The following LRMDA variants were observed in gnomAD, a reference collection of about 807,000 sequenced individuals.
LRMDA encodes leucine-rich melanocyte differentiation-associated protein.
LRMDA carries 18 observed loss-of-function variants against 29.8 expected under a neutral mutation model. That is an observed-to-expected ratio of 0.60 (90% CI 0.42 to 0.90). The LOEUF (loss-of-function observed/expected upper bound fraction) is 0.90, where lower values mean the gene tolerates loss of function less well. Ranked by LOEUF, LRMDA falls within the 40% of genes least tolerant of loss-of-function variation. The pLI is 0.00. For missense variants in LRMDA, 273 were observed against 273.9 expected, an observed-to-expected ratio of 1.00 and a Z score of 0.02; for synonymous variants, 125 against 109.4, an observed-to-expected ratio of 1.14 and a Z score of -0.89.
intron 5 of LRMDA, among the ~76,000 whole-genome samples, chr10:76,160,647 C>T (rs113299930): frequency 6.8e-4 from 104 of 152,092 alleles, no homozygotes; most frequent in African/African-American, 2.4e-3. Flanking sequence ...GAAATACTCC[C>T]GCCAAATTTA....
At chr10:75,725,769 T>C (rs139866916) in intron 2 of LRMDA, among the ~76,000 whole-genome samples, 23 of 152,364 alleles carry the variant, frequency 1.5e-4, no homozygotes, top group Admixed American at 3.9e-4. Flanking sequence ...ACATTAATCT[T>C]AATAATCATT....
At chr10:75,743,823 G>A (rs982902636) in intron 2 of LRMDA, 1 of 152,174 alleles carries the variant, frequency 6.6e-6, no homozygotes, top group Non-Finnish European at 1.5e-5. Context: ...TGCCTGAGAA[G>A]TGATTAAAAT....
chr10:76,063,532 A>G (rs777697096), intron 5 of LRMDA, among the ~76,000 whole-genome samples: 16 of 151,934 alleles, frequency 1.1e-4, no homozygotes, highest in Non-Finnish European at 2.1e-4. Context: ...GTGTGTGCCT[A>G]CGTTTTGATA....
chr10:76,202,968 G>A (rs887729784), intron 5 of LRMDA, among the ~76,000 whole-genome samples: 2 of 152,096 alleles, frequency 1.3e-5, no homozygotes, highest in Admixed American at 6.5e-5. Context: ...CTGACTAATT[G>A]GAAACACATC....
intron 5 of LRMDA, among the ~76,000 whole-genome samples, chr10:76,084,221 G>A (rs1043862112): frequency 5.7e-5 from 8 of 141,358 alleles, no homozygotes; most frequent in South Asian, 4.2e-4. Context: ...TATTTGAGAC[G>A]GAGTCTTGCT....
chr10:76,267,684 A>G (rs578093962), intron 5 of LRMDA, among the ~76,000 whole-genome samples: 2 of 152,308 alleles, frequency 1.3e-5, no homozygotes, highest in South Asian at 4.1e-4. Flanking sequence ...ATTCCATTGT[A>G]AACATAATAT....
chr10:76,051,082 C>T (rs1268808132), intron 4 of LRMDA, among the ~76,000 whole-genome samples: 1 of 152,228 alleles, frequency 6.6e-6, no homozygotes, highest in African/African-American at 2.4e-5. Context: ...GCCCTGGGGC[C>T]TGCCCAGTGT....
chr10:75,571,099 G>T (rs1490815672), intron 2 of LRMDA, among the ~76,000 whole-genome samples: 3 of 152,066 alleles, frequency 2.0e-5, no homozygotes, highest in African/African-American at 4.8e-5. Flanking sequence ...CCATGGTTTG[G>T]GCTACTGCAT....
intron 5 of LRMDA, among the ~76,000 whole-genome samples, chr10:76,083,986 A>G (rs925793491): frequency 1.3e-5 from 2 of 152,218 alleles, no homozygotes; most frequent in East Asian, 3.9e-4. Flanking sequence ...TGAACCTCTC[A>G]GGGTACTTGA....
At chr10:75,610,742 A>G (rs1438349374) in intron 2 of LRMDA, among the ~76,000 whole-genome samples, 2 of 152,086 alleles carry the variant, frequency 1.3e-5, no homozygotes, top group South Asian at 4.2e-4. Context: ...GTTCCCTAAA[A>G]TGTATTGTTG....
chr10:76,341,704 T>G (rs1427811846), intron 6 of LRMDA, among the ~76,000 whole-genome samples: 1 of 152,152 alleles, frequency 6.6e-6, no homozygotes, highest in Non-Finnish European at 1.5e-5. Flanking sequence ...ATTCATATGT[T>G]CATGTTTGGT....
At chr10:75,592,145 G>T (rs753152947) in intron 2 of LRMDA, among the ~76,000 whole-genome samples, 1 of 152,044 alleles carries the variant, frequency 6.6e-6, no homozygotes, top group Non-Finnish European at 1.5e-5. Flanking sequence ...ATGAGCTGGG[G>T]TGCAAGGGCC....
intron 2 of LRMDA, among the ~76,000 whole-genome samples, chr10:75,750,091 A>G (rs115912948): frequency 6.6e-6 from 1 of 152,274 alleles, no homozygotes; most frequent in South Asian, 2.1e-4. Context: ...CCCTTTTTCT[A>G]TTCGACAAAA....
intron 6 of LRMDA, among the ~76,000 whole-genome samples, chr10:76,513,153 C>A (rs1843025126): frequency 6.6e-6 from 1 of 152,024 alleles, no homozygotes; most frequent in African/African-American, 2.4e-5. Context: ...AAATAGAGGA[C>A]AGTTTAAATT....
intron 2 of LRMDA, among the ~76,000 whole-genome samples, chr10:75,721,389 T>G (rs1842565420): frequency 6.6e-6 from 1 of 152,226 alleles, no homozygotes; most frequent in Admixed American, 6.5e-5. Context: ...TCTGTGTAGT[T>G]TATAAGGCAA....
Position 75,763,244 on chromosome 10 carries a change from C to T in LRMDA, c.132-272764C>T, listed in dbSNP as rs556086223. On this transcript the variant is annotated intron_variant, in intron 2 of 6. Transcript: ENST00000611255. ...ATAAGAAAATTTAATCTTTCCTTGA[C>T]AATGAAAGATTTTGGAGTCATTTCA... Among the ~76,000 whole-genome samples, 57 of 152,020 alleles carry T rather than the reference C, an allele frequency of 3.7e-4. 1 individual carries two copies. The highest frequency in any genetic ancestry group is 6.6e-4 in the Non-Finnish European group (45 of 68,008).
At chr10:75,452,406 G>T (rs532984763) in intron 2 of LRMDA, among the ~76,000 whole-genome samples, 2 of 152,182 alleles carry the variant, frequency 1.3e-5, no homozygotes, top group East Asian at 3.9e-4. Context: ...GAGACTTGGG[G>T]TCACATCATA....
At chr10:76,014,366 A>C (rs145433619) in intron 2 of LRMDA, among the ~76,000 whole-genome samples, 1 of 151,680 alleles carries the variant, frequency 6.6e-6, no homozygotes, top group African/African-American at 2.4e-5. Context: ...ACCTCATACT[A>C]TATCCTTTAT....
intron 5 of LRMDA, among the ~76,000 whole-genome samples, chr10:76,218,988 G>A (rs1016617401): frequency 6.6e-6 from 1 of 152,190 alleles, no homozygotes; most frequent in Non-Finnish European, 1.5e-5. Flanking sequence ...ACAAAGTGGT[G>A]CAGACTAGGA....
Sources: gnomAD v4.1 joint callset for allele counts (sites outside exome capture counted in the v4.1 genomes callset) on GRCh38, gnomAD v4.1.1 for gene constraint, MANE v1.5 for transcripts, NCBI Gene and HGNC (gene_info 2026-07-23, HGNC 2026-07-21) for gene names.